The following CCNE2 variants were observed in gnomAD, a reference collection of about 807,000 sequenced individuals.
CCNE2 encodes G1/S-specific cyclin-E2.
Under a neutral mutation model 56.8 loss-of-function variants are expected in CCNE2, and 18 were observed. The observed-to-expected ratio is 0.32, with a 90% CI of 0.22 to 0.47. The LOEUF (loss-of-function observed/expected upper bound fraction) is 0.47, where lower values mean the gene tolerates loss of function less well. Among genes scored for constraint, CCNE2 ranks in the 20% least tolerant of loss-of-function variants. The probability of loss-of-function intolerance (pLI) is 1.00; values close to 1 mark genes in which losing one functional copy is unlikely to be tolerated. For missense variants in CCNE2, 371 were observed against 467.1 expected, an observed-to-expected ratio of 0.79 and a Z score of 1.90; for synonymous variants, 139 against 149.2, an observed-to-expected ratio of 0.93 and a Z score of 0.50.
rs780792966 is a variant in CCNE2, at chr8:94,894,254, G to A, written c.-26-7C>T. 43 of 1,612,802 alleles carry A rather than the reference G, an allele frequency of 2.7e-5. No homozygotes were observed. The highest frequency in any genetic ancestry group is 3.3e-5 in the Non-Finnish European group (39 of 1,179,748). On this transcript the variant is annotated splice_polypyrimidine_tract_variant and splice_region_variant and intron_variant, in intron 1 of 11. Transcript: ENST00000308108. ...TTTCAGGTGTATAAAACCTCTGAAGGGGGGAGAGGAAAAGCCGCAGTCAAG... is the reference window on the plus strand; with the variant it reads ...TTTCAGGTGTATAAAACCTCTGAAGAGGGGAGAGGAAAAGCCGCAGTCAAG...
intron 4 of CCNE2, chr8:94,893,560 A>C (rs970993322): frequency 4.9e-5 from 12 of 247,324 alleles, no homozygotes; most frequent in South Asian, 1.3e-4. Context: ...TATGCCCAAG[A>C]AGCAGCTATT....
chr8:94,881,918 T>C (rs1816833700), intron 11 of CCNE2, 173 bp from the exon 12 acceptor site: 4 of 882,376 alleles, frequency 4.5e-6, no homozygotes, highest in Admixed American at 3.1e-5. Flanking sequence ...TTAAACTCTT[T>C]ATCTAGACTG....
Position 94,880,241 on chromosome 8 carries a change from A to C in CCNE2, c.*1391T>G. 6.7e-7 allele frequency: 1 copy of C among 1,502,914 alleles called. No homozygotes were observed. The highest frequency in any genetic ancestry group is 9.1e-7 in the Non-Finnish European group (1 of 1,095,144). 93.1% of individuals were successfully genotyped at this position (1,502,914 alleles called of 1,614,324 possible). A position where few individuals can be genotyped will look rare whatever the true frequency, so the allele number is the denominator to read the frequency against. Reference sequence around the variant, plus strand: ...GGCAAAACTTTACTTTTAAGCAGTTAAATTTTTTTAACTTTTATTTTTTAA... The same window carrying C: ...GGCAAAACTTTACTTTTAAGCAGTTCAATTTTTTTAACTTTTATTTTTTAA... On this transcript the variant is annotated 3_prime_UTR_variant, in exon 12 of 12. Coordinates refer to ENST00000308108, the MANE Select transcript of CCNE2 (RefSeq NM_057749.3).
chr8:94,889,343 T>G lies in CCNE2; in HGVS notation c.453+1072A>C, dbSNP rs1586553210. On this transcript the variant is annotated intron_variant, in intron 6 of 11. Transcript: ENST00000308108. ...GGATTTGATATATTCTGTATGCTGT[T>G]GCATACATAATCATATTTAGGTAAA... Among the ~76,000 whole-genome samples, 5 of 152,324 alleles carry G rather than the reference T, an allele frequency of 3.3e-5. 1 individual carries two copies. In the Middle Eastern group the frequency reaches 0.017, roughly 518 times the overall value.
intron 11 of CCNE2, 77 bp from the exon 12 acceptor site, chr8:94,881,822 A>G: frequency 6.4e-6 from 10 of 1,551,590 alleles, no homozygotes; most frequent in Non-Finnish European, 8.8e-6. Flanking sequence ...ATTTGAGATT[A>G]TTTAGGCCTA....
rs1407875809 is a variant in CCNE2, at chr8:94,885,172, T to G, written c.726A>C (p.Thr242=). The change falls in exon 9 of 12, where the codon ACA becomes ACC. Residue 242 remains threonine (T), a synonymous_variant. Transcript: ENST00000308108. ...KALKWELCPV[T]IISWLNLFLQ... is the part of the protein sequence containing the mutation. ...GAAAGAGATTTAGCCAGGAGATGATTGTTACAGGACAAAGTTCCCATTTTA... is the reference window on the plus strand; with the variant it reads ...GAAAGAGATTTAGCCAGGAGATGATGGTTACAGGACAAAGTTCCCATTTTA... 11 of 1,613,634 alleles carry G rather than the reference T, an allele frequency of 6.8e-6. No homozygotes were observed. The highest frequency in any genetic ancestry group is 1.7e-5 in the Admixed American group (1 of 59,998).
At chr8:94,894,446 A>C in intron 1 of CCNE2, 199 bp from the exon 2 acceptor site, 1 of 581,506 alleles carries the variant, frequency 1.7e-6, no homozygotes. Context: ...CCTCAACTGA[A>C]TGTACAGCTG....
chr8:94,885,045 G>A, intron 9 of CCNE2, 22 bp downstream of exon 9: 1 of 1,604,940 alleles, frequency 6.2e-7, no homozygotes, highest in South Asian at 1.1e-5. Flanking sequence ...CATTACCATT[G>A]AATCAATAAA....
Position 94,885,448 on chromosome 8 carries a change from C to T in CCNE2, c.696+15G>A, listed in dbSNP as rs1816999428. The stretch of plus-strand genomic sequence containing the variant: ...GGTTTCTTTTTTGCAACTAGGAAAA[C>T]ATAATTATTATTACCTTTAATATAA... On this transcript the variant is annotated intron_variant, in intron 8 of 11. Transcript: ENST00000308108. The T allele has an allele frequency of 3.4e-6, 5 of 1,478,726 alleles. No individual in the cohort carries two copies. The highest frequency in any genetic ancestry group is 4.7e-6 in the Non-Finnish European group (5 of 1,075,232). 91.6% of individuals were successfully genotyped at this position (1,478,726 alleles called of 1,614,324 possible).
In CCNE2 at chr8:94,880,665, G is replaced by A; in HGVS notation, c.*967C>T. ...AATAGAAGTTTAGGTCAAGTGTTAA[G>A]CTTTATCACTTTGACACTGTCCTTA... On this transcript the variant is annotated 3_prime_UTR_variant, in exon 12 of 12. Coordinates refer to ENST00000308108, the MANE Select transcript of CCNE2 (RefSeq NM_057749.3). The A allele has an allele frequency of 2.6e-6, 1 of 391,772 alleles. No homozygotes were observed. 24.3% of individuals were successfully genotyped at this position (391,772 alleles called of 1,614,324 possible). A position where few individuals can be genotyped will look rare whatever the true frequency, so the allele number is the denominator to read the frequency against.
At chr8:94,895,232 G>A (rs576565899), upstream of CCNE2, 9 of 985,544 alleles carry the variant, frequency 9.1e-6, no homozygotes, top group East Asian at 4.6e-4. Context: ...CAATATATAG[G>A]CCGGGCCGGT....
At chr8:94,891,488 G>A (rs1029154098) in intron 5 of CCNE2, 96 of 285,726 alleles carry the variant, frequency 3.4e-4, no homozygotes, top group Middle Eastern at 1.3e-3. Context: ...GTGAAACCCC[G>A]TCTCCACTAA....
intron 1 of CCNE2, 34 bp from the exon 2 acceptor site, chr8:94,894,281 A>G (rs1817369273): frequency 6.2e-7 from 1 of 1,605,706 alleles, no homozygotes; most frequent in Non-Finnish European, 8.5e-7. Flanking sequence ...GCAGTCAAGT[A>G]CATTGTCATT....
rs757862439 is a variant in CCNE2, at chr8:94,887,990, A to T, written c.537T>A (p.Asp179Glu). ...FFDRFMLTQK[D>E]INKNMLQLIG... ...TGAGTTGAAGCATATTTTTATTTAT[A>T]TCCTTTTGTGTCAACATAAATCTAT... The change falls in exon 7 of 12, where the codon GAT becomes GAA. Residue 179 changes from aspartate (D) to glutamate (E), a missense_variant. Physicochemically the swap from Asp to Glu is conservative, Grantham distance 45. Transcript: ENST00000308108. The T allele has an allele frequency of 1.3e-6, 2 of 1,596,510 alleles. No homozygotes were observed. Among genetic ancestry groups the T allele is most frequent in the Non-Finnish European group, 1.7e-6 (2 of 1,170,052 alleles).
intron 8 of CCNE2, 85 bp downstream of exon 8, chr8:94,885,378 A>G: frequency 9.4e-7 from 1 of 1,063,994 alleles, no homozygotes; most frequent in South Asian, 1.5e-5. Flanking sequence ...TTTACATTGT[A>G]GTATTTGAGA....
intron 8 of CCNE2, 128 bp downstream of exon 8, chr8:94,885,335 T>C: frequency 9.5e-7 from 1 of 1,057,216 alleles, no homozygotes; most frequent in South Asian, 1.5e-5. Context: ...ATTAACCTCT[T>C]AGAACTGGAT....
At chr8:94,892,778 C>T in intron 5 of CCNE2, 40 bp downstream of exon 5, 2 of 1,173,748 alleles carry the variant, frequency 1.7e-6, no homozygotes, top group Non-Finnish European at 2.3e-6. Context: ...ATCAGCACAA[C>T]TTTATATCTT....
chr8:94,883,985 T>G (rs1394039728), intron 9 of CCNE2: 1 of 443,208 alleles, frequency 2.3e-6, no homozygotes, highest in Non-Finnish European at 4.6e-6. Context: ...GTTTATCGGC[T>G]TATCAAAGAT....
At chr8:94,884,543 G>C (rs1419926413) in intron 9 of CCNE2, 1 of 153,464 alleles carries the variant, frequency 6.5e-6, no homozygotes, top group Non-Finnish European at 1.4e-5. Flanking sequence ...GCCTGCCTCA[G>C]CCGCCCAAAG....
Sources: gnomAD v4.1 joint callset for allele counts (sites outside exome capture counted in the v4.1 genomes callset) on GRCh38, gnomAD v4.1.1 for gene constraint, MANE v1.5 for transcripts, NCBI Gene and HGNC (gene_info 2026-07-23, HGNC 2026-07-21) for gene names.